Variants in THSD7B observed in about 807,000 individuals in gnomAD.
THSD7B encodes thrombospondin type-1 domain-containing protein 7B.
Under a neutral mutation model 213.6 loss-of-function variants are expected in THSD7B, and 138 were observed. The ratio of observed to expected loss-of-function variants is 0.65; its 90% CI spans 0.56 to 0.74. The LOEUF (loss-of-function observed/expected upper bound fraction) is 0.74. Ranked by LOEUF, THSD7B falls within the 30% of genes least tolerant of loss-of-function variation. The pLI, the probability that THSD7B is intolerant of heterozygous loss-of-function variation, is 0.00. For missense variants in THSD7B, 1,931 were observed against 1,991.5 expected (o/e 0.97, Z 0.58); for synonymous variants, 742 against 687.0 (o/e 1.08, Z -1.25).
chr2:137,378,243 A>G (rs1043925493), intron 12 of THSD7B, among the ~76,000 whole-genome samples: 1 of 152,138 alleles, frequency 6.6e-6, no homozygotes. Flanking sequence ...TATGATTTAT[A>G]TGCATTTATG....
At chr2:136,773,470 A>T (rs1370962642) in intron 1 of THSD7B, among the ~76,000 whole-genome samples, 1 of 152,104 alleles carries the variant, frequency 6.6e-6, no homozygotes, top group African/African-American at 2.4e-5. Context: ...AGAAGAAAAC[A>T]TTGAAATTAA....
Position 137,095,076 on chromosome 2 carries a change from A to C in THSD7B, c.1154A>C (p.Lys385Thr). ...GGKECPELLE[K>T]EACIVEGELL... ...AAGGAGTGTCCTGAACTTCTTGAGA[A>C]AGAGGCCTGCATTGTTGAAGGAGAA... Residue 385 changes from lysine to threonine, a missense_variant, in exon 4 of 28, where the codon AAA becomes ACA. Coordinates refer to ENST00000409968, the MANE Select transcript of THSD7B (RefSeq NM_001316349.2). 1 of 1,613,900 alleles carries C rather than the reference A, an allele frequency of 6.2e-7. No homozygotes were observed. The highest frequency in any genetic ancestry group is 8.5e-7 in the Non-Finnish European group (1 of 1,179,842).
At chr2:137,073,227 C>G (rs1687538395) in intron 3 of THSD7B, among the ~76,000 whole-genome samples, 1 of 152,148 alleles carries the variant, frequency 6.6e-6, no homozygotes, top group Non-Finnish European at 1.5e-5. Flanking sequence ...GTGAATCCAT[C>G]TGGTCCTGGA....
At chr2:136,849,421 C>T (rs1348570037) in intron 1 of THSD7B, among the ~76,000 whole-genome samples, 1 of 152,134 alleles carries the variant, frequency 6.6e-6, no homozygotes, top group Admixed American at 6.6e-5. Flanking sequence ...CTGTCCAAGG[C>T]ACCATGTTGC....
chr2:137,156,559 C>G (rs2104980234), intron 5 of THSD7B, among the ~76,000 whole-genome samples: 3 of 152,224 alleles, frequency 2.0e-5, no homozygotes, highest in Admixed American at 2.0e-4. Context: ...CAACAGTCAA[C>G]TAATTGACAG....
At chr2:137,576,482 C>T (rs566999080) in intron 17 of THSD7B, among the ~76,000 whole-genome samples, 1 of 152,186 alleles carries the variant, frequency 6.6e-6, no homozygotes, top group South Asian at 2.1e-4. Context: ...TGACCAAAAT[C>T]TTTGAATTAT....
chr2:137,278,831 C>A (rs1012966544), intron 12 of THSD7B, among the ~76,000 whole-genome samples: 1 of 152,002 alleles, frequency 6.6e-6, no homozygotes, highest in Non-Finnish European at 1.5e-5. Context: ...TTCATAGAAA[C>A]GTTTGCAAAT....
chr2:136,961,917 C>T (rs1030365836), intron 2 of THSD7B, among the ~76,000 whole-genome samples: 2 of 152,164 alleles, frequency 1.3e-5, no homozygotes, highest in South Asian at 2.1e-4. Flanking sequence ...TCTGTCATCA[C>T]CAAAGATGCC....
chr2:137,121,476 T>C (rs1688546000), intron 5 of THSD7B, among the ~76,000 whole-genome samples: 1 of 152,214 alleles, frequency 6.6e-6, no homozygotes, highest in African/African-American at 2.4e-5. Context: ...AATTCACTAA[T>C]GTGTGTTGCT....
At chr2:137,118,732 C>G (rs891836949) in intron 5 of THSD7B, among the ~76,000 whole-genome samples, 10 of 152,104 alleles carry the variant, frequency 6.6e-5, no homozygotes, top group African/African-American at 2.4e-4. Flanking sequence ...GGCACACATT[C>G]TGGAATGCTA....
intron 2 of THSD7B, among the ~76,000 whole-genome samples, chr2:136,913,080 T>TA (rs1302318662): frequency 3.9e-5 from 6 of 152,166 alleles, no homozygotes; most frequent in Admixed American, 2.0e-4. Flanking sequence ...CTGATAGTGA[T>TA]ATGGACAACA....
At chr2:137,012,165 A>T (rs559018848) in intron 2 of THSD7B, among the ~76,000 whole-genome samples, 1 of 152,326 alleles carries the variant, frequency 6.6e-6, no homozygotes, top group South Asian at 2.1e-4. Flanking sequence ...ATCTTCTATA[A>T]TTCAATTGTA....
intron 15 of THSD7B, among the ~76,000 whole-genome samples, chr2:137,461,291 C>A (rs1294025368): frequency 2.0e-5 from 3 of 152,072 alleles, no homozygotes; most frequent in Non-Finnish European, 2.9e-5. Context: ...AAGCAATTGG[C>A]ATTTCATCTT....
intron 2 of THSD7B, among the ~76,000 whole-genome samples, chr2:136,884,358 T>C (rs1386022097): frequency 1.3e-5 from 2 of 152,130 alleles, no homozygotes; most frequent in Non-Finnish European, 2.9e-5. Flanking sequence ...GTTCCCAGAA[T>C]CTGGAGAGGT....
rs61021149 is a variant in THSD7B at position 137,412,620 on chromosome 2, AC to A, written c.2959+749del. ...CTCAAAAAAAAAAAAACAAAAAAAA[AC>A]AAAAAACAGTTTTACTATATAAAGT... is the stretch of plus-strand genomic sequence containing the variant. On this transcript the variant is annotated intron_variant, in intron 14 of 27. Transcript: ENST00000409968. 3.6e-3 allele frequency among the ~76,000 whole-genome samples: 474 copies of A among 133,006 alleles called. 84 individuals carry two copies. The highest frequency in any genetic ancestry group is 0.012 in the African/African-American group (436 of 37,434). The allele number at this position is 133,006 out of a possible 152,430, so 87.3% of individuals were successfully genotyped here.
chr2:137,257,179 G>A (rs781418871), intron 10 of THSD7B, among the ~76,000 whole-genome samples: 9 of 152,168 alleles, frequency 5.9e-5, no homozygotes, highest in Non-Finnish European at 8.8e-5. Flanking sequence ...TTTGTCATGA[G>A]TTTTGGAGGG....
intron 7 of THSD7B, among the ~76,000 whole-genome samples, chr2:137,177,625 A>T (rs188242883): frequency 1.2e-4 from 18 of 152,306 alleles, no homozygotes; most frequent in Admixed American, 1.0e-3. Context: ...GCAAGTTCCC[A>T]GGTGATGCTG....
At chr2:136,982,885 C>A (rs978902884) in intron 2 of THSD7B, among the ~76,000 whole-genome samples, 1 of 152,018 alleles carries the variant, frequency 6.6e-6, no homozygotes, top group African/African-American at 2.4e-5. Context: ...ATTGTAAATT[C>A]TTTCTGAATA....
rs146632769 is a variant in THSD7B at position 136,945,819 on chromosome 2, A to T, written c.139+63502A>T. ...TTCTCACGCCATGGTTTTCAGCTCC[A>T]TCAGGTCATTTAAGGTCTTCTCTAC... On this transcript the variant is annotated intron_variant, in intron 2 of 27. Transcript: ENST00000409968. Among the ~76,000 whole-genome samples the T allele has an allele frequency of 9.2e-5, 14 of 152,302 alleles. No individual in the cohort carries two copies. In the East Asian group the frequency reaches 9.6e-4, roughly 10 times the overall value.
Sources: gnomAD v4.1 joint callset for allele counts (sites outside exome capture counted in the v4.1 genomes callset) on GRCh38, gnomAD v4.1.1 for gene constraint, MANE v1.5 for transcripts, NCBI Gene and HGNC (gene_info 2026-07-23, HGNC 2026-07-21) for gene names.